Variants in TCF4 observed in about 807,000 individuals in gnomAD.
TCF4 encodes SL3-3 enhancer factor 2.
Under a neutral mutation model 82.1 loss-of-function variants are expected in TCF4, and 3 were observed. That is an observed-to-expected ratio of 0.04 (90% confidence interval 0.02 to 0.09). The LOEUF (loss-of-function observed/expected upper bound fraction) is 0.09, where lower values mean the gene tolerates loss of function less well. Among genes scored for constraint, TCF4 ranks in the 10% least tolerant of loss-of-function variants. The pLI is 1.00. For missense variants in TCF4, 518 were observed against 852.7 expected (o/e 0.61, Z 4.89); for synonymous variants, 276 against 309.6 (o/e 0.89, Z 1.14).
chr18:55,556,023 C>A (rs1387475592), intron 3 of TCF4, among the ~76,000 whole-genome samples: 1 of 152,144 alleles, frequency 6.6e-6, no homozygotes, highest in African/African-American at 2.4e-5. Flanking sequence ...GCCAATCTAA[C>A]CCCAAATGAG....
rs548662019 is a variant in TCF4 at position 55,247,093 on chromosome 18, G to A, written c.1350+7404C>T. On this transcript the variant is annotated intron_variant, in intron 15 of 19. Coordinates refer to ENST00000354452, the MANE Select transcript of TCF4 (RefSeq NM_001083962.2). ...TCTGTGACAACGCTACGGACAAAAT[G>A]AGCAAAGGTGGGCCATACGGTGTAT... is the stretch of plus-strand genomic sequence containing the variant. Among the ~76,000 whole-genome samples, 3 of 152,324 alleles carry A rather than the reference G, an allele frequency of 2.0e-5. No homozygotes were observed. In the East Asian group the frequency reaches 5.8e-4, roughly 29 times the overall value.
In TCF4 at chr18:55,226,889, T is replaced by C. The variant is rs2046666932; in HGVS notation, c.*1146A>G. ...GTAGGTAACACTTTAATCATTTTGT[T>C]AAATCACAGCCACTTTGATTATGTT... On this transcript the variant is annotated 3_prime_UTR_variant, in exon 20 of 20. Transcript: ENST00000354452. 6.6e-6 allele frequency: 1 copy of C among 152,660 alleles called. No individual in the cohort carries two copies. The highest frequency in any genetic ancestry group is 2.1e-4 in the South Asian group (1 of 4,838). 9.5% of individuals were successfully genotyped at this position (152,660 alleles called of 1,614,324 possible).
chr18:55,472,339 G>A (rs911145096), intron 3 of TCF4, among the ~76,000 whole-genome samples: 27 of 152,118 alleles, frequency 1.8e-4, no homozygotes, highest in African/African-American at 5.1e-4. Flanking sequence ...TGAACCAAAC[G>A]TACATTGAAG....
chr18:55,588,698 T>C (rs2097675685), upstream of TCF4: 1 of 1,317,118 alleles, frequency 7.6e-7, no homozygotes. Flanking sequence ...AGGAACAATA[T>C]TTTTCTTTTT....
intron 5 of TCF4, among the ~76,000 whole-genome samples, chr18:55,406,559 T>A (rs866100726): frequency 6.6e-6 from 1 of 152,210 alleles, no homozygotes; most frequent in African/African-American, 2.4e-5. Flanking sequence ...GATAATAAAA[T>A]TTTCAAGAGC....
intron 8 of TCF4, among the ~76,000 whole-genome samples, chr18:55,308,665 T>A (rs1476913698): frequency 6.6e-6 from 1 of 152,232 alleles, no homozygotes; most frequent in Non-Finnish European, 1.5e-5. Context: ...GTCCCCATTG[T>A]GTGCAGACAG....
intron 8 of TCF4, among the ~76,000 whole-genome samples, chr18:55,336,141 TTCAGAGA>T (rs2078583010): frequency 1.3e-5 from 2 of 152,126 alleles, no homozygotes; most frequent in Non-Finnish European, 2.9e-5. Context: ...CAGTTTCTAC[TTCAGAGA>T]TCTCAATTCT....
intron 8 of TCF4, among the ~76,000 whole-genome samples, chr18:55,290,331 C>T (rs1426939213): frequency 2.0e-5 from 3 of 152,096 alleles, no homozygotes; most frequent in African/African-American, 7.2e-5. Flanking sequence ...AGGTACATTA[C>T]CAAGAGGGGT....
At chr18:55,496,079 C>T (rs1442857818) in intron 3 of TCF4, 1 of 152,128 alleles carries the variant, frequency 6.6e-6, no homozygotes, top group African/African-American at 2.4e-5. Context: ...TACTGTGATA[C>T]ATAAAACCCA....
In TCF4 at chr18:55,254,257, C is replaced by T. The variant is rs190920220; in HGVS notation, c.1350+240G>A. Among the ~76,000 whole-genome samples, 618 of 152,170 alleles carry T rather than the reference C, an allele frequency of 4.1e-3. 13 individuals carry two copies. Among genetic ancestry groups the T allele is most frequent in the Admixed American group, 0.037 (558 of 15,260 alleles). The stretch of plus-strand genomic sequence containing the variant: ...TGGGGAATGACTGCTTAATGGGCAA[C>T]GGGGATTCTTTTCTTTTTGCAGGGG... On this transcript the variant is annotated intron_variant, in intron 15 of 19. Coordinates refer to ENST00000354452, the MANE Select transcript of TCF4 (RefSeq NM_001083962.2).
intron 8 of TCF4, among the ~76,000 whole-genome samples, chr18:55,297,348 A>T (rs1247537521): frequency 1.3e-5 from 2 of 151,916 alleles, no homozygotes; most frequent in East Asian, 3.9e-4. Context: ...ATCATACTGT[A>T]TTTTCCTGCT....
chr18:55,256,792 A>G (rs1437197727), intron 14 of TCF4, among the ~76,000 whole-genome samples: 1 of 152,174 alleles, frequency 6.6e-6, no homozygotes, highest in African/African-American at 2.4e-5. Context: ...ACACTGAATC[A>G]TCATGTGAGT....
chr18:55,427,959 G>A (rs1367930785), intron 5 of TCF4, among the ~76,000 whole-genome samples: 2 of 152,116 alleles, frequency 1.3e-5, no homozygotes, highest in Non-Finnish European at 2.9e-5. Context: ...AATTTATTAC[G>A]TGAATGAAAA....
upstream of TCF4, chr18:55,588,468 A>C (rs1159036704): frequency 6.5e-7 from 1 of 1,534,542 alleles, no homozygotes; most frequent in Non-Finnish European, 8.7e-7. Context: ...TTCATCGAGC[A>C]CCTCATTTTT....
chr18:55,310,068 G>A (rs138708170), intron 8 of TCF4, among the ~76,000 whole-genome samples: 1 of 152,266 alleles, frequency 6.6e-6, no homozygotes, highest in African/African-American at 2.4e-5. Flanking sequence ...AATAAAAGGT[G>A]GAAGACAGTT....
At position 55,232,580 on chromosome 18, in the gene TCF4, C is replaced by T. The variant is rs774527851; in HGVS notation, c.1578G>A (p.Thr526=). The part of the protein sequence containing the change: ...DDEGDENLQD[T]KSSEDKKLDD... ...CTAATTTCTTGTCCTCCGAAGATTT[C>T]GTGTCTTGCAGGTTCTCATCACCCT... Residue 526 remains threonine, a synonymous_variant, in exon 17 of 20, where the codon ACG becomes ACA. Transcript: ENST00000354452. The T allele has an allele frequency of 2.2e-5, 35 of 1,614,128 alleles. No individual in the cohort carries two copies. Among genetic ancestry groups the T allele is most frequent in the Non-Finnish European group, 2.6e-5 (31 of 1,180,010 alleles).
chr18:55,340,991 C>T (rs2079825447), intron 8 of TCF4, among the ~76,000 whole-genome samples: 1 of 152,174 alleles, frequency 6.6e-6, no homozygotes, highest in Non-Finnish European at 1.5e-5. Flanking sequence ...CCCTGGACTG[C>T]CTGGCATACT....
chr18:55,370,352 G>T (rs1371812163), intron 6 of TCF4, among the ~76,000 whole-genome samples: 1 of 152,136 alleles, frequency 6.6e-6, no homozygotes, highest in Non-Finnish European at 1.5e-5. Flanking sequence ...GGGACGGTAA[G>T]CTCTGATTGC....
chr18:55,308,603 A>G (rs1044726846), intron 8 of TCF4, among the ~76,000 whole-genome samples: 7 of 152,232 alleles, frequency 4.6e-5, no homozygotes, highest in African/African-American at 1.7e-4. Flanking sequence ...GTCTACAAAG[A>G]TGCATTAAGA....
Sources: allele counts gnomAD v4.1 joint callset (sites outside exome capture counted in the v4.1 genomes callset), GRCh38; gene constraint gnomAD v4.1.1; transcripts MANE v1.5; gene names NCBI Gene and HGNC (gene_info 2026-07-23, HGNC 2026-07-21).